Variants in TMEM38B observed in about 807,000 individuals in gnomAD.
TMEM38B encodes trimeric intracellular cation channel type B.
A neutral mutation model predicts 28.7 loss-of-function variants in TMEM38B; 24 were observed. That is an observed-to-expected ratio of 0.84 (90% CI 0.61 to 1.18). TMEM38B has a LOEUF of 1.18. Ranked by LOEUF, TMEM38B falls within the 50% of genes most tolerant of loss-of-function variation. The pLI, the probability that TMEM38B is intolerant of heterozygous loss-of-function variation, is 0.00. For missense variants in TMEM38B, 380 were observed against 350.9 expected (o/e 1.08, Z -0.66); for synonymous variants, 131 against 127.7 (o/e 1.03, Z -0.17).
At position 105,727,311 on chromosome 9, in the gene TMEM38B, A is replaced by G. The variant is rs189133983; in HGVS notation, c.542+4690A>G. ...CCCGAGATCCCATGTGAGATCATGC[A>G]GTAATTTTCTTTCTGTGTCTGATTT... On this transcript the variant is annotated intron_variant, in intron 4 of 5. Coordinates refer to ENST00000374692, the MANE Select transcript of TMEM38B (RefSeq NM_018112.3). Among the ~76,000 whole-genome samples the G allele has an allele frequency of 3.3e-5, 5 of 152,074 alleles. No individual in the cohort carries two copies. In the East Asian group the frequency reaches 9.7e-4, roughly 29 times the overall value.
chr9:105,761,718 G>A (rs1226469255), intron 5 of TMEM38B, among the ~76,000 whole-genome samples: 1 of 152,120 alleles, frequency 6.6e-6, no homozygotes, highest in Non-Finnish European at 1.5e-5. Flanking sequence ...CACCCGAGGA[G>A]TTTTAAAACA....
chr9:105,765,665 A>G (rs1021098190), intron 5 of TMEM38B, among the ~76,000 whole-genome samples: 4 of 152,080 alleles, frequency 2.6e-5, no homozygotes, highest in African/African-American at 4.8e-5. Context: ...AGGTACCACA[A>G]TTTGTTTTTC....
chr9:105,745,283 C>G (rs988712241), intron 4 of TMEM38B, among the ~76,000 whole-genome samples: 5 of 152,182 alleles, frequency 3.3e-5, no homozygotes, highest in Admixed American at 1.3e-4. Context: ...ACCATTCTAA[C>G]TGGTGTGAGA....
At chr9:105,736,327 T>G (rs1278388461) in intron 4 of TMEM38B, among the ~76,000 whole-genome samples, 1 of 152,168 alleles carries the variant, frequency 6.6e-6, no homozygotes, top group Non-Finnish European at 1.5e-5. Context: ...CCTGACTGGT[T>G]AATTTCAAAC....
intron 1 of TMEM38B, among the ~76,000 whole-genome samples, chr9:105,702,396 G>A (rs1835491654): frequency 6.6e-6 from 1 of 152,134 alleles, no homozygotes; most frequent in Admixed American, 6.6e-5. Context: ...CAACTGTTTT[G>A]AAAATAGCTA....
intron 2 of TMEM38B, among the ~76,000 whole-genome samples, chr9:105,721,231 G>A (rs937621307): frequency 4.6e-5 from 7 of 152,148 alleles, no homozygotes; most frequent in Admixed American, 4.6e-4. Flanking sequence ...TCAGCACTTA[G>A]CTTCTAGAAC....
intron 5 of TMEM38B, among the ~76,000 whole-genome samples, chr9:105,765,173 G>C (rs951583099): frequency 1.3e-5 from 2 of 152,146 alleles, no homozygotes; most frequent in South Asian, 2.1e-4. Flanking sequence ...TTTGTTTATA[G>C]ATTTGTAAAA....
chr9:105,744,626 T>A (rs1208035406), intron 4 of TMEM38B, among the ~76,000 whole-genome samples: 4 of 152,170 alleles, frequency 2.6e-5, no homozygotes, highest in Non-Finnish European at 5.9e-5. Context: ...AGGGTACATG[T>A]GCAGAACGTG....
chr9:105,765,418 G>T (rs191203025), intron 5 of TMEM38B, among the ~76,000 whole-genome samples: 3 of 152,282 alleles, frequency 2.0e-5, no homozygotes, highest in Admixed American at 6.5e-5. Context: ...TGACAAATTT[G>T]TATACCTGTG....
At chr9:105,734,393 C>T (rs1836889364) in intron 4 of TMEM38B, among the ~76,000 whole-genome samples, 1 of 152,050 alleles carries the variant, frequency 6.6e-6, no homozygotes, top group Non-Finnish European at 1.5e-5. Flanking sequence ...TTTATGTGCA[C>T]TAGAGAAGAA....
intron 2 of TMEM38B, among the ~76,000 whole-genome samples, chr9:105,712,078 C>G (rs574533260): frequency 6.6e-6 from 1 of 152,086 alleles, no homozygotes; most frequent in Non-Finnish European, 1.5e-5. Context: ...CTATGCCCAG[C>G]TAATTTTTCT....
intron 4 of TMEM38B, among the ~76,000 whole-genome samples, chr9:105,741,391 A>C (rs2133607137): frequency 6.6e-6 from 1 of 152,282 alleles, no homozygotes; most frequent in East Asian, 1.9e-4. Flanking sequence ...TGTTAAAGGC[A>C]TTTCTGGTGA....
chr9:105,744,952 G>A, intron 4 of TMEM38B, among the ~76,000 whole-genome samples: 1 of 152,170 alleles, frequency 6.6e-6, no homozygotes, highest in Non-Finnish European at 1.5e-5. Context: ...ATTCCATGGT[G>A]TATATGTGCC....
chr9:105,725,399 A>G (rs7875434), intron 4 of TMEM38B, among the ~76,000 whole-genome samples: 31,018 of 149,420 alleles, frequency 0.21, 5,034 homozygotes, highest in East Asian at 0.46. Flanking sequence ...AGATGACTGT[A>G]TGAATTATCA....
At chr9:105,754,783 C>T (rs10816319) in intron 5 of TMEM38B, among the ~76,000 whole-genome samples, 31,896 of 152,022 alleles carry the variant, frequency 0.21, 5,216 homozygotes, top group East Asian at 0.47. Context: ...CAGAGTTGGA[C>T]TGAAGGAGAT....
chr9:105,710,124 A>G (rs1157598881), intron 2 of TMEM38B, among the ~76,000 whole-genome samples: 2 of 152,186 alleles, frequency 1.3e-5, no homozygotes, highest in Non-Finnish European at 1.5e-5. Flanking sequence ...ACATTCTTTT[A>G]TCTTTTCAGA....
At chr9:105,718,774 ATT>A (rs1836207300) in intron 2 of TMEM38B, among the ~76,000 whole-genome samples, 1 of 152,082 alleles carries the variant, frequency 6.6e-6, no homozygotes, top group Non-Finnish European at 1.5e-5. Flanking sequence ...TAGTATGTTT[ATT>A]TTTGTTTCCT....
At chr9:105,753,989 A>G (rs1289930985) in intron 5 of TMEM38B, among the ~76,000 whole-genome samples, 2 of 152,232 alleles carry the variant, frequency 1.3e-5, no homozygotes, top group Non-Finnish European at 2.9e-5. Flanking sequence ...AGCAAATGGA[A>G]AACAGAGAAA....
In TMEM38B at chr9:105,695,857, A is replaced by G. The variant is rs116763115; in HGVS notation, c.112+1085A>G. Among the ~76,000 whole-genome samples the G allele has an allele frequency of 7.6e-3, 1,161 of 152,324 alleles. 9 individuals carry two copies. Among genetic ancestry groups the G allele is most frequent in the African/African-American group, 0.026 (1,093 of 41,556 alleles). ...GGTACAAATTTTGACCTGGATGAGG[A>G]TGGTATTACTGCATTAAAGTAGAAC... On this transcript the variant is annotated intron_variant, in intron 1 of 5. Coordinates refer to ENST00000374692, the MANE Select transcript of TMEM38B (RefSeq NM_018112.3).
Sources: gnomAD v4.1 joint callset for allele counts (sites outside exome capture counted in the v4.1 genomes callset) on GRCh38, gnomAD v4.1.1 for gene constraint, MANE v1.5 for transcripts, NCBI Gene and HGNC (gene_info 2026-07-23, HGNC 2026-07-21) for gene names.